The following LINGO2 variants were observed in gnomAD, a reference collection of about 807,000 sequenced individuals.
LINGO2 encodes leucine-rich repeat and immunoglobulin-like domain-containing nogo receptor-interacting protein 2.
In LINGO2, 14 loss-of-function variants were observed where a neutral mutation model predicts 30.6. The ratio of observed to expected loss-of-function variants is 0.46; its 90% CI spans 0.30 to 0.72. The LOEUF (loss-of-function observed/expected upper bound fraction) is 0.72. LINGO2 is among the 30% of genes least tolerant of loss of function. The pLI is 0.07. For missense variants in LINGO2, 729 were observed against 751.7 expected (o/e 0.97, Z 0.35); for synonymous variants, 317 against 288.5 (o/e 1.10, Z -1.00).
intron 3 of LINGO2, among the ~76,000 whole-genome samples, chr9:28,367,574 ATTCTAGCT>A: frequency 6.6e-6 from 1 of 152,014 alleles, no homozygotes; most frequent in Admixed American, 6.5e-5. Context: ...GCTCCATGGA[ATTCTAGCT>A]TTCAGGATTG....
intron 1 of LINGO2, among the ~76,000 whole-genome samples, chr9:28,659,418 G>C (rs903494397): frequency 1.2e-4 from 18 of 151,788 alleles, no homozygotes; most frequent in Admixed American, 1.3e-4. Context: ...GACAGCAATA[G>C]CTTGACAGCT....
chr9:28,691,477 C>T, the LINGO2 span, among the ~76,000 whole-genome samples: 1 of 152,052 alleles, frequency 6.6e-6, no homozygotes, highest in South Asian at 2.1e-4. Context: ...CTTTTTTCCT[C>T]CTTGTAGCCT....
Position 28,212,823 on chromosome 9 carries a change from T to C in LINGO2, c.-87+82385A>G, listed in dbSNP as rs150634525. Among the ~76,000 whole-genome samples, 165 of 151,606 alleles carry C rather than the reference T, an allele frequency of 1.1e-3. 2 individuals carry two copies. Among genetic ancestry groups the C allele is most frequent in the East Asian group, 7.1e-3 (37 of 5,176 alleles). The stretch of plus-strand genomic sequence containing the variant: ...GCACAGACATAGGACAGTTCCATCA[T>C]TGCAGAAAGTTTTACTGACAGCACT... On this transcript the variant is annotated intron_variant, in intron 4 of 5. Transcript: ENST00000379992.
the LINGO2 span, chr9:27,940,600 G>C: frequency 7.2e-5 from 11 of 152,172 alleles, no homozygotes; most frequent in Non-Finnish European, 1.0e-4. Flanking sequence ...GCCTTGAAGG[G>C]AGTCGGTAGA....
chr9:28,300,125 GGA>G lies in LINGO2; in HGVS notation c.-245-4761_-245-4760del, dbSNP rs1491494809. On this transcript the variant is annotated intron_variant, in intron 3 of 5. Transcript: ENST00000379992. ...CCTTTCTCTCTCTCATTTTTCTAAT[GGA>G]AAAAAAAAAAAAAAAACAAAGACAC... Among the ~76,000 whole-genome samples the G allele has an allele frequency of 1.0e-4, 5 of 50,214 alleles. No individual in the cohort carries two copies. In the East Asian group the frequency reaches 6.3e-3, roughly 64 times the overall value. The allele number at this position is 50,214 out of a possible 152,430, so 32.9% of individuals were successfully genotyped here.
intron 3 of LINGO2, among the ~76,000 whole-genome samples, chr9:28,297,272 C>T (rs1378003462): frequency 6.6e-6 from 1 of 152,138 alleles, no homozygotes; most frequent in Non-Finnish European, 1.5e-5. Flanking sequence ...AGAAATGATG[C>T]TATTGATCCC....
the LINGO2 span, among the ~76,000 whole-genome samples, chr9:28,992,279 A>C: frequency 6.6e-6 from 1 of 152,152 alleles, no homozygotes; most frequent in South Asian, 2.1e-4. Flanking sequence ...AGGCCATTAC[A>C]TAATGGTAAA....
chr9:29,200,324 T>C, the LINGO2 span, among the ~76,000 whole-genome samples: 3 of 152,074 alleles, frequency 2.0e-5, no homozygotes, highest in Admixed American at 6.6e-5. Flanking sequence ...TGATAACCCC[T>C]TATAGTATCA....
chr9:27,950,462 T>C, exon 6 of LINGO2: 1 of 1,607,948 alleles, frequency 6.2e-7, no homozygotes, highest in Non-Finnish European at 8.5e-7. Context: ...GGTTGACGCT[T>C]TTTAGCCTGT....
At chr9:28,061,353 A>C (rs946489899) in intron 4 of LINGO2, among the ~76,000 whole-genome samples, 1 of 151,628 alleles carries the variant, frequency 6.6e-6, no homozygotes, top group African/African-American at 2.4e-5. Context: ...ACCACACAAT[A>C]TACCCATGTA....
chr9:29,193,745 T>C, the LINGO2 span, among the ~76,000 whole-genome samples: 2 of 152,158 alleles, frequency 1.3e-5, no homozygotes, highest in Non-Finnish European at 2.9e-5. Flanking sequence ...CTCTCCCAAG[T>C]TAGAAACTTA....
At chr9:28,682,986 A>G in the LINGO2 span, among the ~76,000 whole-genome samples, 2 of 152,082 alleles carry the variant, frequency 1.3e-5, no homozygotes, top group African/African-American at 2.4e-5. Context: ...TCTGATGGTA[A>G]GTATTCCCAC....
At chr9:29,002,877 A>T in the LINGO2 span, among the ~76,000 whole-genome samples, 2 of 152,106 alleles carry the variant, frequency 1.3e-5, no homozygotes, top group South Asian at 4.1e-4. Flanking sequence ...GATAGGTCCA[A>T]ATCCAAATCC....
intron 4 of LINGO2, among the ~76,000 whole-genome samples, chr9:28,154,136 A>G (rs1264503203): frequency 1.3e-5 from 2 of 152,156 alleles, no homozygotes; most frequent in African/African-American, 2.4e-5. Flanking sequence ...TGAGGAGACT[A>G]TCTTTTTGGG....
the LINGO2 span, among the ~76,000 whole-genome samples, chr9:29,069,665 T>C: frequency 6.6e-6 from 1 of 152,014 alleles, no homozygotes; most frequent in African/African-American, 2.4e-5. Flanking sequence ...TCTCAATATA[T>C]CCCTTTTAAT....
chr9:28,890,517 G>A, the LINGO2 span, among the ~76,000 whole-genome samples: 1 of 152,054 alleles, frequency 6.6e-6, no homozygotes, highest in Non-Finnish European at 1.5e-5. Context: ...TTATGTGGTT[G>A]AGTGTAGAAG....
At chr9:29,180,549 C>G in the LINGO2 span, among the ~76,000 whole-genome samples, 1 of 152,086 alleles carries the variant, frequency 6.6e-6, no homozygotes, top group East Asian at 1.9e-4. Context: ...TCTTAATCAC[C>G]CTACAGCATC....
intron 4 of LINGO2, among the ~76,000 whole-genome samples, chr9:28,254,724 A>G (rs1822323041): frequency 6.6e-6 from 1 of 152,214 alleles, no homozygotes; most frequent in Non-Finnish European, 1.5e-5. Context: ...CTCTCACTCA[A>G]ACAACCATTT....
intron 4 of LINGO2, among the ~76,000 whole-genome samples, chr9:28,267,548 C>T (rs1211255261): frequency 6.6e-6 from 1 of 151,988 alleles, no homozygotes; most frequent in Admixed American, 6.6e-5. Context: ...GTATTGCCCT[C>T]TACACATCAT....
Sources: allele counts gnomAD v4.1 joint callset (sites outside exome capture counted in the v4.1 genomes callset), GRCh38; gene constraint gnomAD v4.1.1; transcripts MANE v1.5; gene names NCBI Gene and HGNC (gene_info 2026-07-23, HGNC 2026-07-21).